The following FKBP15 variants were observed in gnomAD, a reference collection of about 807,000 sequenced individuals.
FKBP15 encodes FK506-binding protein 15.
A neutral mutation model predicts 158.1 loss-of-function variants in FKBP15; 106 were observed. That is an observed-to-expected ratio of 0.67 (90% CI 0.57 to 0.79). The LOEUF (loss-of-function observed/expected upper bound fraction) is 0.79. Ranked by LOEUF, FKBP15 falls within the 30% of genes least tolerant of loss-of-function variation. The pLI, the probability that FKBP15 is intolerant of heterozygous loss-of-function variation, is 0.00. For synonymous variants in FKBP15, 547 were observed against 548.6 expected, an observed-to-expected ratio of 1.00 and a Z score of 0.04; for missense variants, 1,287 against 1,479.1, an observed-to-expected ratio of 0.87 and a Z score of 2.13.
Position 113,162,685 on chromosome 9 carries a change from C to G in FKBP15, c.*3393G>C. On this transcript the variant is annotated 3_prime_UTR_variant, in exon 28 of 28. Transcript: ENST00000238256. ...TCAACAGCTTTCTACTCCCTGATAT[C>G]TACTCCCAGCTTCCTCATTACCAGC... 6.8e-7 allele frequency: 1 copy of G among 1,461,092 alleles called. No individual in the cohort carries two copies. The highest frequency in any genetic ancestry group is 9.4e-7 in the Non-Finnish European group (1 of 1,066,754). The allele number at this position is 1,461,092 out of a possible 1,614,324, so 90.5% of individuals were successfully genotyped here.
At chr9:113,200,821 G>A (rs1402242785) in intron 6 of FKBP15, among the ~76,000 whole-genome samples, 5 of 151,960 alleles carry the variant, frequency 3.3e-5, no homozygotes, top group Admixed American at 1.3e-4. Flanking sequence ...CGAGGTGGGC[G>A]GATCACAAGG....
At chr9:113,206,334 A>G in intron 4 of FKBP15, 175 bp downstream of exon 4, 1 of 581,096 alleles carries the variant, frequency 1.7e-6, no homozygotes, top group Non-Finnish European at 3.0e-6. Context: ...TTTAACGCAC[A>G]ATAGTAAGCA....
rs1587983185 is a variant in FKBP15 at position 113,221,114 on chromosome 9, A to G, written c.53+77T>C. On this transcript the variant is annotated intron_variant, in intron 1 of 27. Transcript: ENST00000238256. ...CCCGGAAGTTGGGAAAAGGCCTGAG[A>G]AGAGATCGACCCCCCTCCAACAATC... 12 of 1,460,936 alleles carry G rather than the reference A, an allele frequency of 8.2e-6. No homozygotes were observed. The East Asian group carries it at 2.7e-4, about 33-fold the overall frequency. 90.5% of individuals were successfully genotyped at this position (1,460,936 alleles called of 1,614,324 possible). A position where few individuals can be genotyped will look rare whatever the true frequency, so the allele number is the denominator to read the frequency against.
chr9:113,180,400 ATG>A (rs61018100), intron 19 of FKBP15, among the ~76,000 whole-genome samples: 17,608 of 149,892 alleles, frequency 0.12, 1,332 homozygotes, highest in African/African-American at 0.21. Context: ...TCAGAAAAAA[ATG>A]TGTGTGTGTG....
intron 11 of FKBP15, 129 bp downstream of exon 11, chr9:113,193,363 C>T (rs571896357): frequency 3.3e-5 from 18 of 543,832 alleles, no homozygotes; most frequent in African/African-American, 5.8e-5. Context: ...AAAGGAGAGA[C>T]GAGGTCTCAC....
At chr9:113,221,068 GGAAT>G in intron 1 of FKBP15, 119 bp downstream of exon 1, 3 of 1,067,498 alleles carry the variant, frequency 2.8e-6, no homozygotes, top group South Asian at 1.6e-5. Flanking sequence ...GTAGAGCACC[GGAAT>G]GTGGCAAGGG....
chr9:113,176,229 C>T (rs1370298186), intron 21 of FKBP15, among the ~76,000 whole-genome samples: 13 of 152,130 alleles, frequency 8.5e-5, no homozygotes, highest in Non-Finnish European at 1.6e-4. Flanking sequence ...AAGTCCATGA[C>T]ATTTTCCTAA....
At chr9:113,197,216 C>T in intron 8 of FKBP15, 138 bp from the exon 9 acceptor site, 2 of 922,774 alleles carry the variant, frequency 2.2e-6, no homozygotes, top group Admixed American at 2.3e-5. Flanking sequence ...TGACTACTGC[C>T]CCATGTTGGT....
intron 26 of FKBP15, 112 bp downstream of exon 26, chr9:113,169,112 G>A: frequency 1.5e-6 from 2 of 1,355,806 alleles, no homozygotes. Context: ...ACTAATGAAT[G>A]AAGACATGAG....
intron 10 of FKBP15, 73 bp from the exon 11 acceptor site, chr9:113,193,622 A>T: frequency 7.9e-7 from 1 of 1,260,842 alleles, no homozygotes; most frequent in Non-Finnish European, 1.1e-6. Flanking sequence ...ATATTGGATA[A>T]GCAAATTGTT....
At chr9:113,221,168 G>C in intron 1 of FKBP15, 23 bp downstream of exon 1, 1 of 1,598,460 alleles carries the variant, frequency 6.3e-7, no homozygotes, top group Non-Finnish European at 8.5e-7. Context: ...ACGCCCTCCA[G>C]CGCATACTTC....
chr9:113,186,250 T>G lies in FKBP15; in HGVS notation c.1497A>C (p.Gln499His). The G allele has an allele frequency of 1.3e-6, 2 of 1,557,156 alleles. No homozygotes were observed. The highest frequency in any genetic ancestry group is 2.4e-5 in the South Asian group (2 of 84,354). ...PAPLSQPPHF[Q>H]GSGDMASFLM... ...GAAACTGAGGGAATTACTCCCTACC[T>G]TGGAAATGGGGAGGCTGAGAGAGCG... Residue 499 changes from glutamine (Q) to histidine (H), a missense_variant and splice_region_variant, in exon 15 of 28, where the codon CAA becomes CAC. Coordinates refer to ENST00000238256, the MANE Select transcript of FKBP15 (RefSeq NM_015258.2).
intron 1 of FKBP15, among the ~76,000 whole-genome samples, chr9:113,211,951 G>C (rs1831015434): frequency 6.6e-6 from 1 of 152,052 alleles, no homozygotes; most frequent in Non-Finnish European, 1.5e-5. Flanking sequence ...TCTTCAAACT[G>C]TAAATTCTTG....
intron 21 of FKBP15, among the ~76,000 whole-genome samples, chr9:113,176,211 T>C (rs981231366): frequency 1.3e-5 from 2 of 152,210 alleles, no homozygotes; most frequent in East Asian, 1.9e-4. Flanking sequence ...CTCCTTCTTA[T>C]GTAGTACAAG....
chr9:113,204,369 C>G (rs1830850346), intron 4 of FKBP15, among the ~76,000 whole-genome samples: 1 of 152,230 alleles, frequency 6.6e-6, no homozygotes, highest in Non-Finnish European at 1.5e-5. Flanking sequence ...CGCCCAGCCT[C>G]TCCATGTCTT....
At chr9:113,177,612 C>T (rs1053409661) in intron 20 of FKBP15, among the ~76,000 whole-genome samples, 2 of 152,160 alleles carry the variant, frequency 1.3e-5, no homozygotes, top group African/African-American at 4.8e-5. Context: ...AGTAAGACTC[C>T]TGTCTCTACA....
At chr9:113,203,653 G>A (rs916191119) in intron 4 of FKBP15, among the ~76,000 whole-genome samples, 6 of 151,200 alleles carry the variant, frequency 4.0e-5, no homozygotes, top group African/African-American at 1.5e-4. Context: ...TCAGGCTCCC[G>A]AGCAGCTGAG....
chr9:113,184,348 T>C lies in FKBP15; in HGVS notation c.1660A>G (p.Met554Val). ...SAGNSMLIPS[M>V]SVTMETSMIM... ...ATGCTTGTTTCCATTGTAACTGACA[T>C]GCTAGGAATAAGCATGGAATTGCCA... is the stretch of plus-strand genomic sequence containing the variant. Residue 554 changes from methionine (M) to valine (V), a missense_variant, in exon 17 of 28, where the codon ATG becomes GTG. Met to Val is a conservative substitution (Grantham distance 21). Transcript: ENST00000238256. The surrounding 1 kb of genome is among the most constrained non-coding windows in gnomAD (Gnocchi z 4.5). The C allele has an allele frequency of 6.2e-7, 1 of 1,607,496 alleles. No individual in the cohort carries two copies. The highest frequency in any genetic ancestry group is 1.1e-5 in the South Asian group (1 of 89,514).
At chr9:113,193,445 G>A (rs1363437253) in intron 11 of FKBP15, 47 bp downstream of exon 11, 1 of 1,488,826 alleles carries the variant, frequency 6.7e-7, no homozygotes, top group African/African-American at 1.4e-5. Flanking sequence ...AAAGTGTTAG[G>A]ATTACAGGTG....
Sources: gnomAD v4.1 joint callset for allele counts (sites outside exome capture counted in the v4.1 genomes callset) on GRCh38, gnomAD v4.1.1 for gene constraint, Gnocchi (gnomAD v3.1) non-coding constraint, MANE v1.5 for transcripts, NCBI Gene and HGNC (gene_info 2026-07-23, HGNC 2026-07-21) for gene names.